NEGR1: variants seen among roughly 807,000 people sequenced by gnomAD.
NEGR1 encodes the protein IgLON family member 4.
Under a neutral mutation model 40.9 loss-of-function variants are expected in NEGR1, and 10 were observed. The ratio of observed to expected loss-of-function variants is 0.24; its 90% CI spans 0.15 to 0.42. NEGR1 has a LOEUF of 0.42. NEGR1 is among the 10% of genes least tolerant of loss of function. The pLI, the probability that NEGR1 is intolerant of heterozygous loss-of-function variation, is 1.00. For missense variants in NEGR1, 352 were observed against 438.9 expected (o/e 0.80, Z 1.77); for synonymous variants, 185 against 166.8 (o/e 1.11, Z -0.84).
At chr1:71,691,861 ATCTT>A (rs895469059) in intron 4 of NEGR1, among the ~76,000 whole-genome samples, 2 of 150,612 alleles carry the variant, frequency 1.3e-5, no homozygotes, top group African/African-American at 4.9e-5. Flanking sequence ...TGACTGGAAG[ATCTT>A]TCTTTCTTTT....
intron 1 of NEGR1, among the ~76,000 whole-genome samples, chr1:72,203,814 T>G (rs1266403945): frequency 6.6e-6 from 1 of 152,092 alleles, no homozygotes; most frequent in East Asian, 1.9e-4. Context: ...GCCATTAACA[T>G]CAAGGCAAGA....
At chr1:71,872,370 T>C (rs544101227) in intron 2 of NEGR1, among the ~76,000 whole-genome samples, 1 of 152,292 alleles carries the variant, frequency 6.6e-6, no homozygotes, top group Non-Finnish European at 1.5e-5. Context: ...AGTAGTATTG[T>C]GTTGTAGACG....
intron 1 of NEGR1, among the ~76,000 whole-genome samples, chr1:71,987,827 T>A (rs1557470328): frequency 6.6e-6 from 1 of 152,218 alleles, no homozygotes; most frequent in Admixed American, 6.5e-5. Flanking sequence ...ATTTTCTGAG[T>A]CTCTTTTTAG....
chr1:71,416,944 C>A (rs541712059), intron 6 of NEGR1, among the ~76,000 whole-genome samples: 149 of 152,306 alleles, frequency 9.8e-4, no homozygotes, highest in Non-Finnish European at 1.5e-3. Flanking sequence ...TGGGGATCAG[C>A]TGTTGCCATC....
intron 4 of NEGR1, among the ~76,000 whole-genome samples, chr1:71,629,585 C>A (rs537800612): frequency 6.6e-6 from 1 of 151,714 alleles, no homozygotes; most frequent in African/African-American, 2.4e-5. Context: ...CACTCCTATT[C>A]GACATAGTAT....
rs1557515168 is a variant in NEGR1 at position 71,405,545 on chromosome 1, C to T, written c.*1901G>A. Reference sequence around the variant, plus strand: ...ATGTATCAATCAAAATAATGTCATACATTTATTACAGTTAGTAGATTTACT... The same window carrying T: ...ATGTATCAATCAAAATAATGTCATATATTTATTACAGTTAGTAGATTTACT... On this transcript the variant is annotated 3_prime_UTR_variant, in exon 7 of 7. Transcript: ENST00000357731. The T allele has an allele frequency of 6.6e-6, 1 of 151,922 alleles. No individual in the cohort carries two copies. The highest frequency in any genetic ancestry group is 1.5e-5 in the Non-Finnish European group (1 of 67,722). 9.4% of individuals were successfully genotyped at this position (151,922 alleles called of 1,614,324 possible).
intron 6 of NEGR1, among the ~76,000 whole-genome samples, chr1:71,479,125 A>C (rs1445649306): frequency 6.6e-6 from 1 of 152,030 alleles, no homozygotes; most frequent in Admixed American, 6.6e-5. Flanking sequence ...AGAAATGAAC[A>C]TTTCACTTTA....
chr1:71,478,744 GT>G (rs2101368909), intron 6 of NEGR1, among the ~76,000 whole-genome samples: 1 of 152,100 alleles, frequency 6.6e-6, no homozygotes, highest in East Asian at 1.9e-4. Flanking sequence ...CAATGGTACT[GT>G]GCCAGAATGG....
intron 1 of NEGR1, among the ~76,000 whole-genome samples, chr1:72,026,250 T>C (rs1460327485): frequency 2.0e-5 from 3 of 150,800 alleles, no homozygotes; most frequent in African/African-American, 7.3e-5. Flanking sequence ...AATGGAAAGA[T>C]AGGGAAGAAA....
chr1:71,901,309 C>T (rs147361540), intron 2 of NEGR1, among the ~76,000 whole-genome samples: 115 of 152,236 alleles, frequency 7.6e-4, no homozygotes, highest in Middle Eastern at 3.4e-3. Flanking sequence ...ATAGCAAATA[C>T]CATTTATTAA....
intron 6 of NEGR1, among the ~76,000 whole-genome samples, chr1:71,483,046 C>T (rs1476231128): frequency 1.3e-5 from 2 of 151,614 alleles, no homozygotes; most frequent in Non-Finnish European, 2.9e-5. Flanking sequence ...ATAGGGCACA[C>T]CCATTGGGGA....
intron 5 of NEGR1, among the ~76,000 whole-genome samples, chr1:71,598,388 T>A (rs745418859): frequency 2.0e-5 from 3 of 152,078 alleles, no homozygotes; most frequent in Non-Finnish European, 4.4e-5. Context: ...AAAAATTAAC[T>A]AAAAAAATGA....
At chr1:71,645,235 T>C (rs1003136604) in intron 4 of NEGR1, among the ~76,000 whole-genome samples, 6 of 152,012 alleles carry the variant, frequency 3.9e-5, no homozygotes, top group Non-Finnish European at 8.8e-5. Context: ...TGATTTTGAA[T>C]AATGCAAGCA....
At chr1:72,234,964 T>C (rs1654499768) in intron 1 of NEGR1, among the ~76,000 whole-genome samples, 1 of 152,138 alleles carries the variant, frequency 6.6e-6, no homozygotes. Context: ...GACACATGTA[T>C]GTGTATGTTC....
chr1:71,907,189 GTTT>G, intron 2 of NEGR1, among the ~76,000 whole-genome samples: 1 of 152,166 alleles, frequency 6.6e-6, no homozygotes, highest in Non-Finnish European at 1.5e-5. Context: ...GAGATAACTC[GTTT>G]AAAGACATGA....
intron 4 of NEGR1, among the ~76,000 whole-genome samples, chr1:71,684,008 C>G (rs546558843): frequency 1.3e-5 from 2 of 152,174 alleles, no homozygotes; most frequent in African/African-American, 4.8e-5. Flanking sequence ...CAGTGGCTCA[C>G]GCCTGTAATC....
At chr1:72,128,530 A>C (rs1324951842) in intron 1 of NEGR1, among the ~76,000 whole-genome samples, 4 of 152,204 alleles carry the variant, frequency 2.6e-5, no homozygotes, top group African/African-American at 9.6e-5. Context: ...CAGAGTTATG[A>C]ATAAATATGG....
At chr1:72,148,847 A>G (rs1207839048) in intron 1 of NEGR1, among the ~76,000 whole-genome samples, 1 of 152,162 alleles carries the variant, frequency 6.6e-6, no homozygotes, top group African/African-American at 2.4e-5. Flanking sequence ...TATCGCCTTC[A>G]GCATTTTTGC....
intron 1 of NEGR1, among the ~76,000 whole-genome samples, chr1:72,190,945 T>C (rs921789045): frequency 1.3e-5 from 2 of 151,748 alleles, no homozygotes; most frequent in African/African-American, 4.8e-5. Context: ...TTATTTCACA[T>C]GGATTCTGCT....
Sources: allele counts gnomAD v4.1 joint callset (sites outside exome capture counted in the v4.1 genomes callset), GRCh38; gene constraint gnomAD v4.1.1; transcripts MANE v1.5; gene names NCBI Gene and HGNC (gene_info 2026-07-23, HGNC 2026-07-21).